Variants in CCDC148 observed in about 807,000 individuals in gnomAD.
The protein encoded by CCDC148 is coiled-coil domain-containing protein 148.
A neutral mutation model predicts 85.7 loss-of-function variants in CCDC148; 89 were observed. That is an observed-to-expected ratio of 1.04 (90% CI 0.87 to 1.24). CCDC148 has a LOEUF of 1.24. Ranked by LOEUF, CCDC148 falls within the 50% of genes most tolerant of loss-of-function variation. The probability of loss-of-function intolerance (pLI) is 0.00; values close to 1 mark genes in which losing one functional copy is unlikely to be tolerated. For missense variants in CCDC148, 692 were observed against 671.7 expected (o/e 1.03, Z -0.33); for synonymous variants, 230 against 213.9 (o/e 1.08, Z -0.66).
chr2:158,316,020 C>G (rs1692265996), intron 7 of CCDC148, among the ~76,000 whole-genome samples: 1 of 152,208 alleles, frequency 6.6e-6, no homozygotes, highest in Non-Finnish European at 1.5e-5. Context: ...CACCTCCCAA[C>G]AAATCTCTTG....
chr2:158,385,899 G>C (rs1685066186), intron 1 of CCDC148, among the ~76,000 whole-genome samples: 1 of 152,044 alleles, frequency 6.6e-6, no homozygotes. Flanking sequence ...CAAAACAAGG[G>C]CATCCTGGGA....
chr2:158,283,897 C>T (rs1251259511), intron 9 of CCDC148, among the ~76,000 whole-genome samples: 1 of 151,842 alleles, frequency 6.6e-6, no homozygotes, highest in Non-Finnish European at 1.5e-5. Flanking sequence ...CAATGATAGA[C>T]TGGATTAAGA....
intron 1 of CCDC148, among the ~76,000 whole-genome samples, chr2:158,435,833 T>C (rs757016010): frequency 6.6e-6 from 1 of 152,058 alleles, no homozygotes; most frequent in Non-Finnish European, 1.5e-5. Context: ...AATCCTAGTC[T>C]CTGATAAAAC....
At chr2:158,205,815 T>C (rs1353106412) in intron 11 of CCDC148, among the ~76,000 whole-genome samples, 1 of 152,140 alleles carries the variant, frequency 6.6e-6, no homozygotes, top group Non-Finnish European at 1.5e-5. Flanking sequence ...ATGATGCAGA[T>C]GGCAATGCCA....
chr2:158,282,657 T>C (rs1459297044), intron 9 of CCDC148, among the ~76,000 whole-genome samples: 2 of 152,360 alleles, frequency 1.3e-5, no homozygotes, highest in African/African-American at 2.4e-5. Context: ...AAACATTCCA[T>C]GCTCATGGGT....
intron 9 of CCDC148, among the ~76,000 whole-genome samples, chr2:158,274,928 G>T (rs754339216): frequency 7.9e-5 from 12 of 152,204 alleles, no homozygotes; most frequent in Non-Finnish European, 1.5e-4. Context: ...AAGATAAAAG[G>T]ATTTCAAGAT....
intron 1 of CCDC148, among the ~76,000 whole-genome samples, chr2:158,438,767 A>T (rs1339877759): frequency 3.3e-5 from 5 of 152,222 alleles, no homozygotes; most frequent in Non-Finnish European, 5.9e-5. Flanking sequence ...ATGAACTCCA[A>T]CAAATTTACA....
At chr2:158,401,687 T>TATA (rs923928329) in intron 1 of CCDC148, among the ~76,000 whole-genome samples, 20 of 151,870 alleles carry the variant, frequency 1.3e-4, no homozygotes, top group African/African-American at 3.6e-4. Context: ...AACTTAAAAG[T>TATA]ATAATAATAA....
intron 11 of CCDC148, among the ~76,000 whole-genome samples, chr2:158,179,637 A>G (rs1197755749): frequency 6.6e-6 from 1 of 152,132 alleles, no homozygotes; most frequent in East Asian, 1.9e-4. Flanking sequence ...GAGAAGCTTT[A>G]GCACACCTTG....
intron 9 of CCDC148, among the ~76,000 whole-genome samples, chr2:158,284,666 G>A (rs549804736): frequency 1.5e-4 from 23 of 152,232 alleles, no homozygotes; most frequent in African/African-American, 1.9e-4. Context: ...TCAGGAATAC[G>A]GCAGAAGGAT....
At chr2:158,218,335 AAAG>A (rs1283721603) in intron 11 of CCDC148, among the ~76,000 whole-genome samples, 3 of 152,208 alleles carry the variant, frequency 2.0e-5, no homozygotes, top group African/African-American at 7.2e-5. Flanking sequence ...TATACAATTC[AAAG>A]AAGAGTCAAG....
intron 13 of CCDC148, among the ~76,000 whole-genome samples, chr2:158,172,498 A>G (rs1392803657): frequency 6.6e-6 from 1 of 152,050 alleles, no homozygotes; most frequent in Non-Finnish European, 1.5e-5. Context: ...TAGATTAGTC[A>G]AAATATAATG....
Position 158,456,523 on chromosome 2 carries a change from G to C in CCDC148, c.-84C>G. ...CCACTCCTGGGCTCTCGCCGTCAGG[G>C]GTACATCTAAGGGCTCAGCTGTTCC... is the stretch of plus-strand genomic sequence containing the variant. On this transcript the variant is annotated 5_prime_UTR_variant, in exon 1 of 14. Coordinates refer to ENST00000283233, the MANE Select transcript of CCDC148 (RefSeq NM_138803.4). 2 of 1,530,330 alleles carry C rather than the reference G, an allele frequency of 1.3e-6. No homozygotes were observed. The highest frequency in any genetic ancestry group is 1.2e-5 in the South Asian group (1 of 82,122). The allele number at this position is 1,530,330 out of a possible 1,614,324, so 94.8% of individuals were successfully genotyped here. A position where few individuals can be genotyped will look rare whatever the true frequency, so the allele number is the denominator to read the frequency against.
intron 9 of CCDC148, among the ~76,000 whole-genome samples, chr2:158,264,292 A>G (rs1399356255): frequency 6.6e-6 from 1 of 152,100 alleles, no homozygotes; most frequent in Admixed American, 6.6e-5. Flanking sequence ...CTGATAATTT[A>G]AAGAAACTGG....
chr2:158,240,586 G>A (rs888193548), intron 10 of CCDC148, among the ~76,000 whole-genome samples: 88 of 152,044 alleles, frequency 5.8e-4, no homozygotes, highest in African/African-American at 2.1e-3. Flanking sequence ...ACCTGGGCCA[G>A]GATCAGCAGG....
Position 158,350,866 on chromosome 2 carries a change from G to A in CCDC148, c.148-5548C>T, listed in dbSNP as rs367796172. On this transcript the variant is annotated intron_variant, in intron 2 of 13. Coordinates refer to ENST00000283233, the MANE Select transcript of CCDC148 (RefSeq NM_138803.4). ...CAGGGTATTTTGCACGGCCATCGTC[G>A]TGTGCATTTATCATTTCTTTGTGGG... 2.0e-4 allele frequency among the ~76,000 whole-genome samples: 31 copies of A among 152,054 alleles called. No individual in the cohort carries two copies. In the East Asian group the frequency reaches 3.9e-3, roughly 19 times the overall value.
chr2:158,322,353 A>T (rs934411919), intron 7 of CCDC148, among the ~76,000 whole-genome samples: 1 of 152,132 alleles, frequency 6.6e-6, no homozygotes, highest in Non-Finnish European at 1.5e-5. Context: ...TATTTAATAC[A>T]TGACCTAAAT....
chr2:158,419,225 T>C (rs1686651943), intron 1 of CCDC148, among the ~76,000 whole-genome samples: 1 of 152,200 alleles, frequency 6.6e-6, no homozygotes. Context: ...TTCCAAAGAA[T>C]TAAAACTCAC....
At chr2:158,357,510 A>C (rs1277087328) in intron 2 of CCDC148, among the ~76,000 whole-genome samples, 3 of 152,206 alleles carry the variant, frequency 2.0e-5, no homozygotes, top group Non-Finnish European at 2.9e-5. Flanking sequence ...CAATAAACAG[A>C]AGTCAGGAAT....
Sources: allele counts gnomAD v4.1 joint callset (sites outside exome capture counted in the v4.1 genomes callset), GRCh38; gene constraint gnomAD v4.1.1; transcripts MANE v1.5; gene names NCBI Gene and HGNC (gene_info 2026-07-23, HGNC 2026-07-21).